PLCD4: variants seen among roughly 807,000 people sequenced by gnomAD.
PLCD4 encodes phospholipase C delta 4.
Under a neutral mutation model 90.2 loss-of-function variants are expected in PLCD4, and 63 were observed. That is an observed-to-expected ratio of 0.70 (90% confidence interval 0.57 to 0.86). PLCD4 has a LOEUF of 0.86. Ranked by LOEUF, PLCD4 falls within the 40% of genes least tolerant of loss-of-function variation. PLCD4 has a pLI of 0.00. For missense variants in PLCD4, 830 were observed against 956.3 expected (o/e 0.87, Z 1.74); for synonymous variants, 294 against 356.5 (o/e 0.82, Z 1.97).
chr2:218,616,047 A>G lies in PLCD4; in HGVS notation c.166A>G (p.Ser56Gly), dbSNP rs759246914. ...TVWHARQARGSAKPSFSISDV... is the reference protein window; with the variant it reads ...TVWHARQARGGAKPSFSISDV... ...CTGGCATGCACGGCAGGCCAGGGGC[A>G]GTGCCAAGCCCAGCTGTGAGTGACC... Residue 56 changes from serine (S) to glycine (G), a missense_variant, in exon 3 of 16, where the codon AGT (serine) becomes GGT (glycine). By Grantham distance (56) the Ser-to-Gly change is moderately conservative. Transcript: ENST00000450993. 3.1e-6 allele frequency: 5 copies of G among 1,613,592 alleles called. No homozygotes were observed. In the South Asian group the frequency reaches 4.4e-5, roughly 14 times the overall value.
At chr2:218,625,114 CA>C (rs11325307) in intron 6 of PLCD4, among the ~76,000 whole-genome samples, 32,075 of 61,810 alleles carry the variant, frequency 0.52, 4,767 homozygotes, top group Middle Eastern at 0.61. Context: ...GACTCTGTTT[CA>C]AAAAAAAAAA....
Position 218,622,873 on chromosome 2 carries a change from A to G in PLCD4, c.767A>G (p.Asp256Gly), listed in dbSNP as rs1695949367. Residue 256 changes from aspartate to glycine, a missense_variant, in exon 6 of 16, where the codon GAC (aspartate) becomes GGC (glycine). Transcript: ENST00000450993. ...CTCATTGACCGCTATGAACCTTCAGACAGTGGTAAGAGAAATCAGGTGGAG... is the reference window on the plus strand; with the variant it reads ...CTCATTGACCGCTATGAACCTTCAGGCAGTGGTAAGAGAAATCAGGTGGAG... Reference protein sequence around the residue: ...LELIDRYEPSDSGKLRHVLSM... With the variant: ...LELIDRYEPSGSGKLRHVLSM... 1 of 1,613,158 alleles carries G rather than the reference A, an allele frequency of 6.2e-7. No homozygotes were observed. The highest frequency in any genetic ancestry group is 1.3e-5 in the African/African-American group (1 of 74,890).
intron 8 of PLCD4, 130 bp downstream of exon 8, chr2:218,629,793 C>T (rs774651525): frequency 3.5e-5 from 33 of 951,468 alleles, no homozygotes; most frequent in Non-Finnish European, 4.8e-5. Context: ...TGTAAAGCAT[C>T]AGGCAAATAC....
At position 218,632,180 on chromosome 2, in the gene PLCD4, T is replaced by C. The variant is rs770206279; in HGVS notation, c.1317T>C (p.Leu439=). ...TGGTGAAGGGGAAGAAGTTAACACT[T>C]GAGGAAGACCTGGAATATGAGGAAG... ...KILVKGKKLT[L]EEDLEYEEEE... The change falls in exon 10 of 16, where the codon CTT becomes CTC. Residue 439 remains leucine (L), a synonymous_variant. Transcript: ENST00000450993. The C allele has an allele frequency of 6.2e-7, 1 of 1,610,822 alleles. No homozygotes were observed. The highest frequency in any genetic ancestry group is 8.5e-7 in the Non-Finnish European group (1 of 1,178,730).
intron 6 of PLCD4, among the ~76,000 whole-genome samples, chr2:218,627,117 C>T (rs1364339891): frequency 4.0e-5 from 6 of 151,390 alleles, no homozygotes; most frequent in African/African-American, 7.3e-5. Context: ...AAAAAAGAGC[C>T]GGGTGTAGTG....
intron 6 of PLCD4, among the ~76,000 whole-genome samples, chr2:218,623,968 C>T (rs1236782098): frequency 1.3e-5 from 2 of 152,244 alleles, no homozygotes; most frequent in Non-Finnish European, 2.9e-5. Context: ...CAGGCATGAG[C>T]CACTGTGCCT....
intron 1 of PLCD4, among the ~76,000 whole-genome samples, chr2:218,612,744 C>T (rs1189488465): frequency 1.3e-5 from 2 of 152,120 alleles, no homozygotes; most frequent in Non-Finnish European, 2.9e-5. Flanking sequence ...TGCACTCCAG[C>T]CTGGCGACAG....
chr2:218,636,611 G>C lies in PLCD4; in HGVS notation c.*34G>C, dbSNP rs1451273826. 2.5e-6 allele frequency: 4 copies of C among 1,588,876 alleles called. No homozygotes were observed. Among genetic ancestry groups the C allele is most frequent in the Non-Finnish European group, 3.5e-6 (4 of 1,159,246 alleles). On this transcript the variant is annotated 3_prime_UTR_variant, in exon 16 of 16. Coordinates refer to ENST00000450993, the MANE Select transcript of PLCD4 (RefSeq NM_032726.4). ...TTTCACGGGAAGGGTTGGTGTGCTG[G>C]CTTTAGACGGGGAGAAACATCTGGA...
chr2:218,631,204 G>A (rs1271502117), intron 9 of PLCD4, among the ~76,000 whole-genome samples: 1 of 151,768 alleles, frequency 6.6e-6, no homozygotes, highest in Non-Finnish European at 1.5e-5. Flanking sequence ...CGCTCTTGTC[G>A]CCCAGGCTGG....
At chr2:218,619,996 G>A (rs1188569481) in intron 4 of PLCD4, among the ~76,000 whole-genome samples, 1 of 152,138 alleles carries the variant, frequency 6.6e-6, no homozygotes, top group Admixed American at 6.5e-5. Flanking sequence ...TCCCACCTCA[G>A]CTTCCCGAGC....
At chr2:218,624,618 G>A (rs1458365717) in intron 6 of PLCD4, among the ~76,000 whole-genome samples, 2 of 151,646 alleles carry the variant, frequency 1.3e-5, no homozygotes, top group Non-Finnish European at 2.9e-5. Context: ...ACTTAAGGAG[G>A]CTGAGGCATA....
Sources: allele counts gnomAD v4.1 joint callset (sites outside exome capture counted in the v4.1 genomes callset), GRCh38; gene constraint gnomAD v4.1.1; transcripts MANE v1.5; gene names NCBI Gene and HGNC (gene_info 2026-07-23, HGNC 2026-07-21).